Variants in RNF144A observed in about 807,000 individuals in gnomAD.
The protein encoded by RNF144A is E3 ubiquitin-protein ligase RNF144A.
RNF144A carries 11 observed loss-of-function variants against 38.7 expected under a neutral mutation model. The observed-to-expected ratio is 0.28, with a 90% CI of 0.18 to 0.47. RNF144A has a LOEUF of 0.47. Among genes scored for constraint, RNF144A ranks in the 20% least tolerant of loss-of-function variants. RNF144A has a pLI of 0.99. For missense variants in RNF144A, 316 were observed against 377.2 expected (o/e 0.84, Z 1.34); for synonymous variants, 149 against 143.9 (o/e 1.04, Z -0.25).
chr2:7,038,477 C>T (rs1255823817), intron 8 of RNF144A, among the ~76,000 whole-genome samples: 2 of 152,110 alleles, frequency 1.3e-5, no homozygotes, highest in African/African-American at 2.4e-5. Context: ...GATGTATGCA[C>T]CTCTGTATTT....
chr2:7,012,350 G>A (rs1019238305), intron 3 of RNF144A, among the ~76,000 whole-genome samples: 1 of 152,164 alleles, frequency 6.6e-6, no homozygotes, highest in Non-Finnish European at 1.5e-5. Flanking sequence ...AGGAAGATGG[G>A]CCTTCTGGTT....
intron 6 of RNF144A, among the ~76,000 whole-genome samples, chr2:7,049,312 A>G (rs765594250): frequency 3.3e-5 from 5 of 152,250 alleles, no homozygotes; most frequent in Non-Finnish European, 7.3e-5. Flanking sequence ...TGCTTGAATG[A>G]GCAAATGATG....
intron 2 of RNF144A, among the ~76,000 whole-genome samples, chr2:6,989,863 C>A (rs754982309): frequency 1.3e-5 from 2 of 152,006 alleles, no homozygotes; most frequent in East Asian, 1.9e-4. Flanking sequence ...ACAGTAGATA[C>A]CCTTTTCTTA....
At chr2:6,920,961 G>A (rs905460487) in intron 1 of RNF144A, among the ~76,000 whole-genome samples, 6 of 152,186 alleles carry the variant, frequency 3.9e-5, no homozygotes, top group Non-Finnish European at 7.3e-5. Flanking sequence ...AGGTGTTGGT[G>A]TAAATATTTT....
rs1666022012 is a variant in RNF144A at position 6,941,965 on chromosome 2, T to C, written c.-12+818T>C. 6.6e-6 allele frequency among the ~76,000 whole-genome samples: 1 copy of C among 152,272 alleles called. No individual in the cohort carries two copies. Among genetic ancestry groups the C allele is most frequent in the African/African-American group, 2.4e-5 (1 of 41,480 alleles). ...GCCATTGCAGGCTGTGGGGGAATTC[T>C]AGGTTCATGATGGGATATCAGTGTA... On this transcript the variant is annotated intron_variant, in intron 2 of 8. Transcript: ENST00000320892. This position sits in a 1 kb window ranked among gnomAD's most constrained non-coding sequence, Gnocchi z 6.5.
chr2:7,073,941 A>T, the RNF144A span, among the ~76,000 whole-genome samples: 172 of 152,280 alleles, frequency 1.1e-3, no homozygotes, highest in African/African-American at 4.0e-3. Context: ...TTGTTCTCAC[A>T]TCCTTTAACT....
At chr2:6,983,298 C>G (rs1668752804) in intron 2 of RNF144A, among the ~76,000 whole-genome samples, 1 of 152,168 alleles carries the variant, frequency 6.6e-6, no homozygotes, top group Non-Finnish European at 1.5e-5. Flanking sequence ...GTGTGTGTGC[C>G]CTGGGCCCTC....
At chr2:6,984,318 T>C (rs1440644041) in intron 2 of RNF144A, among the ~76,000 whole-genome samples, 3 of 152,032 alleles carry the variant, frequency 2.0e-5, no homozygotes, top group Non-Finnish European at 2.9e-5. Context: ...TTTTTTTTTT[T>C]CCAAGAAGGA....
At chr2:6,976,944 C>CT (rs1199434111) in intron 2 of RNF144A, among the ~76,000 whole-genome samples, 1 of 152,096 alleles carries the variant, frequency 6.6e-6, no homozygotes, top group Non-Finnish European at 1.5e-5. Context: ...GCACTTGCAG[C>CT]TTTTTAATAT....
At chr2:6,984,243 T>G (rs1031544703) in intron 2 of RNF144A, among the ~76,000 whole-genome samples, 1 of 152,218 alleles carries the variant, frequency 6.6e-6, no homozygotes, top group African/African-American at 2.4e-5. Flanking sequence ...CTGCCTATTC[T>G]GTTCACTGTT....
chr2:7,027,022 C>T (rs416416), intron 7 of RNF144A, among the ~76,000 whole-genome samples: 1 of 152,066 alleles, frequency 6.6e-6, no homozygotes, highest in Non-Finnish European at 1.5e-5. Flanking sequence ...CAGTGATTTA[C>T]GACAAGCACA....
chr2:7,041,828 T>C lies in RNF144A; in HGVS notation c.*2068T>C. ...AGCACCCCCGTCCTTAGGATGAGAGTCAGAGCCTTTGGAAAGGCTGCATCC... is the reference window on the plus strand; with the variant it reads ...AGCACCCCCGTCCTTAGGATGAGAGCCAGAGCCTTTGGAAAGGCTGCATCC... On this transcript the variant is annotated 3_prime_UTR_variant, in exon 9 of 9. Transcript: ENST00000320892. 1 of 985,104 alleles carries C rather than the reference T, an allele frequency of 1.0e-6. No homozygotes were observed. The highest frequency in any genetic ancestry group is 1.2e-6 in the Non-Finnish European group (1 of 829,886). 61.0% of individuals were successfully genotyped at this position (985,104 alleles called of 1,614,324 possible).
chr2:7,042,762 A>G lies in RNF144A; in HGVS notation c.*3002A>G. On this transcript the variant is annotated 3_prime_UTR_variant, in exon 9 of 9. Transcript: ENST00000320892. The stretch of plus-strand genomic sequence containing the variant: ...AGAGACTGACTTAGGATCTGAGATA[A>G]AGCATCGGATTGCAGGAATAACTGT... 2 of 985,504 alleles carry G rather than the reference A, an allele frequency of 2.0e-6. No individual in the cohort carries two copies. Among genetic ancestry groups the G allele is most frequent in the Non-Finnish European group, 2.4e-6 (2 of 829,958 alleles). 61.0% of individuals were successfully genotyped at this position (985,504 alleles called of 1,614,324 possible).
At chr2:7,013,656 C>CT (rs1438731483) in intron 3 of RNF144A, among the ~76,000 whole-genome samples, 3 of 152,224 alleles carry the variant, frequency 2.0e-5, no homozygotes, top group African/African-American at 7.2e-5. Context: ...CGTATTGTTT[C>CT]TTCTCATTGC....
In RNF144A at chr2:7,044,114, T is replaced by TC. The variant is rs553828289; in HGVS notation, c.*4361dup. The TC allele has an allele frequency of 1.5e-4, 147 of 985,690 alleles. 2 individuals are homozygous for TC. In the East Asian group the frequency reaches 0.013, roughly 84 times the overall value. 61.1% of individuals were successfully genotyped at this position (985,690 alleles called of 1,614,324 possible). A position where few individuals can be genotyped will look rare whatever the true frequency, so the allele number is the denominator to read the frequency against. ...AATGTATTGTGTCTTACGTAGTTTG[T>TC]CCCCCCCTTTAGCAGGGATTCCTTT... On this transcript the variant is annotated 3_prime_UTR_variant, in exon 9 of 9. Transcript: ENST00000320892.
chr2:7,030,889 A>G (rs56026054), intron 8 of RNF144A, among the ~76,000 whole-genome samples: 16,705 of 151,632 alleles, frequency 0.11, 1,002 homozygotes, highest in African/African-American at 0.13. Context: ...GGGTGATGGG[A>G]GACTGTGATA....
In RNF144A at chr2:7,042,535, A is replaced by G. The variant is rs57030112; in HGVS notation, c.*2775A>G. On this transcript the variant is annotated 3_prime_UTR_variant, in exon 9 of 9. Coordinates refer to ENST00000320892, the MANE Select transcript of RNF144A (RefSeq NM_014746.6). The stretch of plus-strand genomic sequence containing the variant: ...GTACTGCCGCCCAGGGTGGGTGGCC[A>G]GTGAGGACTGGCCTTAGCCCAGTGG... 4 of 985,528 alleles carry G rather than the reference A, an allele frequency of 4.1e-6. No individual in the cohort carries two copies. The East Asian group carries it at 4.5e-4, about 112-fold the overall frequency. The allele number at this position is 985,528 out of a possible 1,614,324, so 61.0% of individuals were successfully genotyped here.
At chr2:6,918,868 GAACT>G (rs1664347642) in intron 1 of RNF144A, among the ~76,000 whole-genome samples, 1 of 151,756 alleles carries the variant, frequency 6.6e-6, no homozygotes, top group Admixed American at 6.6e-5. Context: ...AGGCCCCAGG[GAACT>G]ATCCCCAGTG....
At chr2:6,982,278 A>G (rs931291445) in intron 2 of RNF144A, among the ~76,000 whole-genome samples, 24 of 152,220 alleles carry the variant, frequency 1.6e-4, no homozygotes, top group African/African-American at 5.5e-4. Flanking sequence ...GTGTGTTGCA[A>G]TGTGCTGTGT....
Sources: allele counts gnomAD v4.1 joint callset (sites outside exome capture counted in the v4.1 genomes callset), GRCh38; gene constraint gnomAD v4.1.1; non-coding constraint Gnocchi (gnomAD v3.1); transcripts MANE v1.5; gene names NCBI Gene and HGNC (gene_info 2026-07-23, HGNC 2026-07-21).